Variants in PDLIM5 observed in about 807,000 individuals in gnomAD.
The protein encoded by PDLIM5 is PDZ and LIM domain protein 5.
A neutral mutation model predicts 64.2 loss-of-function variants in PDLIM5; 34 were observed. That is an observed-to-expected ratio of 0.53 (90% confidence interval 0.40 to 0.71). PDLIM5 has a LOEUF of 0.71. Ranked by LOEUF, PDLIM5 falls within the 30% of genes least tolerant of loss-of-function variation. The probability of loss-of-function intolerance (pLI) is 0.00; values close to 1 mark genes in which losing one functional copy is unlikely to be tolerated. For synonymous variants in PDLIM5, 253 were observed against 269.1 expected (o/e 0.94, Z 0.59); for missense variants, 683 against 733.6 (o/e 0.93, Z 0.80).
At chr4:94,562,380 A>G (rs574422617) in intron 3 of PDLIM5, among the ~76,000 whole-genome samples, 1 of 152,294 alleles carries the variant, frequency 6.6e-6, no homozygotes, top group African/African-American at 2.4e-5. Flanking sequence ...TCATACTTGT[A>G]TTAGGTAGAT....
chr4:94,529,441 T>C (rs1376543754), intron 3 of PDLIM5, among the ~76,000 whole-genome samples: 2 of 152,202 alleles, frequency 1.3e-5, no homozygotes, highest in Non-Finnish European at 2.9e-5. Context: ...TTGAATATTA[T>C]TCTTATATAT....
intron 7 of PDLIM5, among the ~76,000 whole-genome samples, chr4:94,591,229 A>G (rs1227152497): frequency 6.6e-6 from 1 of 152,218 alleles, no homozygotes; most frequent in African/African-American, 2.4e-5. Flanking sequence ...ATTCCAGAAA[A>G]TTCCTTAAAC....
intron 8 of PDLIM5, among the ~76,000 whole-genome samples, chr4:94,619,444 T>C (rs553905867): frequency 6.6e-6 from 1 of 151,716 alleles, no homozygotes; most frequent in East Asian, 1.9e-4. Context: ...ATCTAGACCA[T>C]CCTGGGTAAC....
chr4:94,639,522 A>C (rs1740833781), intron 8 of PDLIM5, among the ~76,000 whole-genome samples: 1 of 152,192 alleles, frequency 6.6e-6, no homozygotes, highest in African/African-American at 2.4e-5. Flanking sequence ...AGGACCTATT[A>C]CTATAAATGA....
intron 2 of PDLIM5, among the ~76,000 whole-genome samples, chr4:94,501,974 T>G (rs1200427733): frequency 3.3e-5 from 5 of 152,156 alleles, no homozygotes; most frequent in Non-Finnish European, 1.5e-5. Context: ...TGCAGAGATT[T>G]ATAGAATGAA....
At chr4:94,478,044 T>C (rs1725483308) in intron 2 of PDLIM5, among the ~76,000 whole-genome samples, 1 of 151,826 alleles carries the variant, frequency 6.6e-6, no homozygotes, top group Non-Finnish European at 1.5e-5. Flanking sequence ...GATCATGAGG[T>C]CAGGAGTTCG....
intron 2 of PDLIM5, among the ~76,000 whole-genome samples, chr4:94,507,418 C>G (rs1239816021): frequency 6.6e-6 from 1 of 152,096 alleles, no homozygotes; most frequent in Non-Finnish European, 1.5e-5. Context: ...GTTTAAATAT[C>G]TAAATCGGGT....
At chr4:94,624,995 A>G (rs1430591157) in intron 8 of PDLIM5, among the ~76,000 whole-genome samples, 1 of 152,246 alleles carries the variant, frequency 6.6e-6, no homozygotes, top group Non-Finnish European at 1.5e-5. Flanking sequence ...GAGACCATTT[A>G]AGAAGTTATT....
chr4:94,541,095 C>A (rs1401908714), intron 3 of PDLIM5, among the ~76,000 whole-genome samples: 1 of 152,182 alleles, frequency 6.6e-6, no homozygotes, highest in Non-Finnish European at 1.5e-5. Flanking sequence ...GTGAGATCCC[C>A]AGCTTCCTGG....
At chr4:94,455,641 CTG>C (rs915982101) in intron 2 of PDLIM5, 40 of 710,352 alleles carry the variant, frequency 5.6e-5, no homozygotes, top group Middle Eastern at 3.9e-4. Flanking sequence ...TAGGAACAGA[CTG>C]TACATTTTTG....
intron 2 of PDLIM5, among the ~76,000 whole-genome samples, chr4:94,511,482 C>CT (rs763732893): frequency 1.6e-4 from 24 of 152,078 alleles, no homozygotes; most frequent in Non-Finnish European, 2.9e-4. Context: ...CAATAACACT[C>CT]TTATTTTAAA....
In PDLIM5 at chr4:94,563,449, C is replaced by T. The variant is rs955278067; in HGVS notation, c.249-9902C>T. On this transcript the variant is annotated intron_variant, in intron 3 of 12. Coordinates refer to ENST00000317968, the MANE Select transcript of PDLIM5 (RefSeq NM_006457.5). ...ACCCAAAGTTATTTTTTAAGTGTTACGTAACTGGAAAAAGCTAAGTTGAGA... is the reference window on the plus strand; with the variant it reads ...ACCCAAAGTTATTTTTTAAGTGTTATGTAACTGGAAAAAGCTAAGTTGAGA... Among the ~76,000 whole-genome samples, 7 of 152,082 alleles carry T rather than the reference C, an allele frequency of 4.6e-5. No homozygotes were observed. The East Asian group carries it at 7.7e-4, about 17-fold the overall frequency.
intron 3 of PDLIM5, among the ~76,000 whole-genome samples, chr4:94,550,696 C>T (rs1210503823): frequency 6.6e-6 from 1 of 152,142 alleles, no homozygotes; most frequent in African/African-American, 2.4e-5. Context: ...TTTTGGAATT[C>T]TGTGGTGGTC....
chr4:94,566,271 G>T (rs1359763133), intron 3 of PDLIM5, among the ~76,000 whole-genome samples: 1 of 152,138 alleles, frequency 6.6e-6, no homozygotes. Context: ...ATACTACTTT[G>T]TCAGGAAGAA....
At chr4:94,617,428 T>C (rs577118569) in intron 7 of PDLIM5, among the ~76,000 whole-genome samples, 2 of 152,120 alleles carry the variant, frequency 1.3e-5, no homozygotes, top group South Asian at 4.1e-4. Flanking sequence ...TCTTGTTTAT[T>C]GTTTTGTGGC....
intron 2 of PDLIM5, among the ~76,000 whole-genome samples, chr4:94,499,917 C>T (rs1727760089): frequency 6.6e-6 from 1 of 152,136 alleles, no homozygotes; most frequent in African/African-American, 2.4e-5. Flanking sequence ...AGAACAGTTT[C>T]ATCCTGAAAC....
At chr4:94,583,692 T>A (rs1323248729) in intron 5 of PDLIM5, among the ~76,000 whole-genome samples, 1 of 152,194 alleles carries the variant, frequency 6.6e-6, no homozygotes, top group South Asian at 2.1e-4. Flanking sequence ...TATTACCATA[T>A]TACCATAAGT....
At chr4:94,653,773 C>T (rs951756680) in intron 9 of PDLIM5, among the ~76,000 whole-genome samples, 1 of 152,026 alleles carries the variant, frequency 6.6e-6, no homozygotes, top group Non-Finnish European at 1.5e-5. Flanking sequence ...TTTAAGGGTT[C>T]TTACCACAAT....
intron 7 of PDLIM5, chr4:94,587,106 A>G (rs1239812705): frequency 6.3e-7 from 1 of 1,595,912 alleles, no homozygotes; most frequent in South Asian, 1.2e-5. Flanking sequence ...CCCCCCAAGC[A>G]GCCAGCACAT....
Sources: gnomAD v4.1 joint callset for allele counts (sites outside exome capture counted in the v4.1 genomes callset) on GRCh38, gnomAD v4.1.1 for gene constraint, MANE v1.5 for transcripts, NCBI Gene and HGNC (gene_info 2026-07-23, HGNC 2026-07-21) for gene names.